Variants in KMT2A observed in about 807,000 individuals in gnomAD.
KMT2A encodes histone-lysine N-methyltransferase 2A.
A neutral mutation model predicts 345.3 loss-of-function variants in KMT2A; 16 were observed. The ratio of observed to expected loss-of-function variants is 0.05; its 90% CI spans 0.03 to 0.07. The LOEUF (loss-of-function observed/expected upper bound fraction) is 0.07, where lower values mean the gene tolerates loss of function less well. Ranked by LOEUF, KMT2A falls within the 10% of genes least tolerant of loss-of-function variation. The pLI is 1.00. For missense variants in KMT2A, 3,272 were observed against 4,841.6 expected, an observed-to-expected ratio of 0.68 and a Z score of 9.62; for synonymous variants, 1,599 against 1,778.6, an observed-to-expected ratio of 0.90 and a Z score of 2.54.
At position 118,484,907 on chromosome 11, in the gene KMT2A, A is replaced by C; in HGVS notation, c.4264A>C (p.Ile1422Leu). 3.1e-6 allele frequency: 5 copies of C among 1,614,094 alleles called. No homozygotes were observed. Among genetic ancestry groups the C allele is most frequent in the Non-Finnish European group, 3.4e-6 (4 of 1,179,966 alleles). Reference protein sequence around the residue: ...ENVWEMGGLGILTSVPITPRV... With the variant: ...ENVWEMGGLGLLTSVPITPRV... ...TGTGTGGGAGATGGGAGGCTTAGGA[A>C]TCTTGACTTCTGTTCCTATAACACC... is the stretch of plus-strand genomic sequence containing the variant. The change falls in exon 10 of 36, where the codon ATC (isoleucine) becomes CTC (leucine). Residue 1422 changes from isoleucine (I) to leucine (L), a missense_variant. Physicochemically the swap from Ile to Leu is conservative, Grantham distance 5 (BLOSUM62 2). Transcript: ENST00000534358. This position sits in a 1 kb window ranked among gnomAD's most constrained non-coding sequence, Gnocchi z 4.1.
chr11:118,496,506 CTATAACT>C lies in KMT2A; in HGVS notation c.5664+150_5664+156del, dbSNP rs781984002. 5.5e-6 allele frequency: 3 copies of C among 545,262 alleles called. No homozygotes were observed. The highest frequency in any genetic ancestry group is 1.9e-5 in the African/African-American group (1 of 52,198). 33.8% of individuals were successfully genotyped at this position (545,262 alleles called of 1,614,324 possible). ...TTACTAATTTATAACTTTTATTTAC[CTATAACT>C]TATAACTTATTAATTTGTAACTTAT... On this transcript the variant is annotated intron_variant, in intron 20 of 35. Coordinates refer to ENST00000534358, the MANE Select transcript of KMT2A (RefSeq NM_001197104.2). The surrounding 1 kb of genome is among the most constrained non-coding windows in gnomAD (Gnocchi z 4.7).
chr11:118,477,045 G>A, intron 4 of KMT2A, 63 bp downstream of exon 4: 4 of 1,538,150 alleles, frequency 2.6e-6, no homozygotes, highest in Non-Finnish European at 3.6e-6. Context: ...TGATTATTCT[G>A]GGGATGCCCA....
chr11:118,487,891 G>C (rs1034327759), intron 10 of KMT2A, among the ~76,000 whole-genome samples: 1 of 152,184 alleles, frequency 6.6e-6, no homozygotes, highest in Non-Finnish European at 1.5e-5. Flanking sequence ...TCTAAAATTA[G>C]AAATGGAGGC....
chr11:118,501,123 G>A lies in KMT2A; in HGVS notation c.6295G>A (p.Ala2099Thr). The change falls in exon 25 of 36, where the codon GCC (alanine) becomes ACC (threonine). Residue 2099 changes from alanine (A) to threonine (T), a missense_variant. Ala to Thr is a moderately conservative substitution (Grantham distance 58). Transcript: ENST00000534358. ...TGAACATGATGAAAACAGGACCATT[G>A]CCCATAGTCCAACATCTTTTACAGG... ...TVEHDENRTIAHSPTSFTESS... is the reference protein window; with the variant it reads ...TVEHDENRTITHSPTSFTESS... 6.2e-7 allele frequency: 1 copy of A among 1,614,002 alleles called. No individual in the cohort carries two copies. Among genetic ancestry groups the A allele is most frequent in the Middle Eastern group, 1.7e-4 (1 of 6,028 alleles).
At chr11:118,442,400 T>C (rs899952911) in intron 1 of KMT2A, among the ~76,000 whole-genome samples, 3 of 152,374 alleles carry the variant, frequency 2.0e-5, no homozygotes, top group East Asian at 1.9e-4. Flanking sequence ...TTCTTAACCC[T>C]GTAGGCACTA....
chr11:118,517,200 C>T (rs1950834256), intron 31 of KMT2A, among the ~76,000 whole-genome samples: 1 of 151,574 alleles, frequency 6.6e-6, no homozygotes, highest in Non-Finnish European at 1.5e-5. Context: ...TCGACACCAT[C>T]CTGGCTAACA....
intron 1 of KMT2A, among the ~76,000 whole-genome samples, chr11:118,463,733 TAAG>T (rs1230382532): frequency 2.0e-5 from 3 of 152,138 alleles, no homozygotes; most frequent in Non-Finnish European, 4.4e-5. Flanking sequence ...AACACAACAA[TAAG>T]AACTACTATG....
At chr11:118,487,907 G>A (rs984875248) in intron 10 of KMT2A, among the ~76,000 whole-genome samples, 4 of 152,210 alleles carry the variant, frequency 2.6e-5, no homozygotes, top group East Asian at 1.9e-4. Context: ...GAGGCTGGGC[G>A]TGGTGGCTCA....
rs1950446260 is a variant in KMT2A at position 118,498,508 on chromosome 11, C to T, written c.5941C>T (p.Arg1981Trp). ...DDKKVYCQRHRDLIKGEVVPE... is the reference protein window; with the variant it reads ...DDKKVYCQRHWDLIKGEVVPE... ...TAAAAAAGTATATTGCCAACGACAT[C>T]GGGATTTGATCAAAGGCGAAGTGAG... The change falls in exon 22 of 36, where the codon CGG (arginine) becomes TGG (tryptophan). Residue 1981 changes from arginine (R) to tryptophan (W), a missense_variant. Coordinates refer to ENST00000534358, the MANE Select transcript of KMT2A (RefSeq NM_001197104.2). The surrounding 1 kb of genome is among the most constrained non-coding windows in gnomAD (Gnocchi z 4.4). 3.1e-6 allele frequency: 5 copies of T among 1,607,132 alleles called. No homozygotes were observed. Among genetic ancestry groups the T allele is most frequent in the South Asian group, 1.1e-5 (1 of 90,294 alleles).
intron 10 of KMT2A, among the ~76,000 whole-genome samples, chr11:118,487,824 T>A (rs1342300625): frequency 6.6e-6 from 1 of 152,254 alleles, no homozygotes; most frequent in Non-Finnish European, 1.5e-5. Flanking sequence ...AAGAAAATTC[T>A]GGATTATCCT....
chr11:118,470,331 G>C (rs1326780089), intron 2 of KMT2A, among the ~76,000 whole-genome samples: 2 of 152,106 alleles, frequency 1.3e-5, no homozygotes, highest in African/African-American at 4.8e-5. Context: ...TTGAGACGGA[G>C]TCTCACTCTG....
chr11:118,437,458 C>A (rs1163407224), intron 1 of KMT2A, among the ~76,000 whole-genome samples: 1 of 151,902 alleles, frequency 6.6e-6, no homozygotes, highest in Non-Finnish European at 1.5e-5. Flanking sequence ...ACCTTGCTTT[C>A]GAAAACCCGA....
chr11:118,507,424 G>C, intron 27 of KMT2A, 105 bp from the exon 28 acceptor site: 1 of 978,216 alleles, frequency 1.0e-6, no homozygotes, highest in Admixed American at 2.1e-5. Context: ...CTGGCTTATA[G>C]ACTTTATCAG....
At chr11:118,463,463 A>G (rs1949785410) in intron 1 of KMT2A, among the ~76,000 whole-genome samples, 1 of 152,256 alleles carries the variant, frequency 6.6e-6, no homozygotes, top group Non-Finnish European at 1.5e-5. Flanking sequence ...TTCCACGAGT[A>G]TAATTCAGGA....
In KMT2A at chr11:118,505,051, T is replaced by A; in HGVS notation, c.9159T>A (p.Ser3053=). 2 of 1,614,160 alleles carry A rather than the reference T, an allele frequency of 1.2e-6. No individual in the cohort carries two copies. Among genetic ancestry groups the A allele is most frequent in the Non-Finnish European group, 1.7e-6 (2 of 1,180,020 alleles). ...PIQNQKYVPN[S]TDSPGPSQIS... is the part of the protein sequence containing the mutation. The stretch of plus-strand genomic sequence containing the variant: ...AGAACCAGAAGTATGTGCCCAATTC[T>A]ACTGATAGTCCTGGCCCGTCTCAGA... Residue 3053 remains serine, a synonymous_variant, in exon 27 of 36, where the codon TCT becomes TCA. Coordinates refer to ENST00000534358, the MANE Select transcript of KMT2A (RefSeq NM_001197104.2). The surrounding 1 kb of genome is among the most constrained non-coding windows in gnomAD (Gnocchi z 4.6).
intron 31 of KMT2A, among the ~76,000 whole-genome samples, chr11:118,513,771 A>G (rs1555050755): frequency 6.6e-6 from 1 of 151,034 alleles, no homozygotes; most frequent in African/African-American, 2.4e-5. Context: ...TCTCTATATA[A>G]AAAAAAATTG....
At position 118,439,401 on chromosome 11, in the gene KMT2A, C is replaced by T. The variant is rs115278894; in HGVS notation, c.432+2457C>T. 8.8e-3 allele frequency among the ~76,000 whole-genome samples: 1,346 copies of T among 152,240 alleles called. 20 individuals carry two copies. The highest frequency in any genetic ancestry group is 0.031 in the African/African-American group (1,298 of 41,540). ...TAAGCATTCACATTCCAAATATTATCACATATTCAAAAGCAAAGTTTTATG... is the reference window on the plus strand; with the variant it reads ...TAAGCATTCACATTCCAAATATTATTACATATTCAAAAGCAAAGTTTTATG... On this transcript the variant is annotated intron_variant, in intron 1 of 35. Transcript: ENST00000534358.
chr11:118,511,559 T>G (rs782096692), intron 30 of KMT2A, among the ~76,000 whole-genome samples: 4 of 152,170 alleles, frequency 2.6e-5, no homozygotes, highest in Non-Finnish European at 5.9e-5. Flanking sequence ...GTTATGATCT[T>G]CCCACAGTCC....
In KMT2A at chr11:118,493,312, G is replaced by A. The variant is rs1250118951; in HGVS notation, c.5178+82G>A. On this transcript the variant is annotated intron_variant, in intron 16 of 35. Coordinates refer to ENST00000534358, the MANE Select transcript of KMT2A (RefSeq NM_001197104.2). The surrounding 1 kb of genome is among the most constrained non-coding windows in gnomAD (Gnocchi z 5.8). ...CTTTGGGGCATGAAACTGAGTATAA[G>A]TAAATTTAAAAATGAATTGTATTAT... 1.8e-6 allele frequency: 2 copies of A among 1,125,786 alleles called. No individual in the cohort carries two copies. The highest frequency in any genetic ancestry group is 2.6e-6 in the Non-Finnish European group (2 of 783,994). The allele number at this position is 1,125,786 out of a possible 1,614,324, so 69.7% of individuals were successfully genotyped here. A position where few individuals can be genotyped will look rare whatever the true frequency, so the allele number is the denominator to read the frequency against.
Sources: allele counts gnomAD v4.1 joint callset (sites outside exome capture counted in the v4.1 genomes callset), GRCh38; gene constraint gnomAD v4.1.1; non-coding constraint Gnocchi (gnomAD v3.1); transcripts MANE v1.5; gene names NCBI Gene and HGNC (gene_info 2026-07-23, HGNC 2026-07-21).